The following EPHA1 variants were observed in gnomAD, a reference collection of about 807,000 sequenced individuals.
EPHA1 encodes ephrin type-A receptor 1.
Under a neutral mutation model 110.1 loss-of-function variants are expected in EPHA1, and 92 were observed. The ratio of observed to expected loss-of-function variants is 0.84; its 90% CI spans 0.71 to 0.99. The LOEUF (loss-of-function observed/expected upper bound fraction) is 0.99. Among genes scored for constraint, EPHA1 ranks in the 50% least tolerant of loss-of-function variants. The pLI is 0.00. For missense variants in EPHA1, 1,204 were observed against 1,285.4 expected, an observed-to-expected ratio of 0.94 and a Z score of 0.97; for synonymous variants, 500 against 516.1, an observed-to-expected ratio of 0.97 and a Z score of 0.42.
chr7:143,397,838 G>A, intron 8 of EPHA1, 82 bp downstream of exon 8: 1 of 1,580,574 alleles, frequency 6.3e-7, no homozygotes, highest in South Asian at 1.1e-5. Flanking sequence ...AAGAGGAAAA[G>A]TCACTACGTG....
In EPHA1 at chr7:143,397,172, CAT is replaced by C. The variant is rs1468713666; in HGVS notation, c.1771+130_1771+131del. The C allele has an allele frequency of 1.5e-5, 16 of 1,098,962 alleles. 1 individual carries two copies. The highest frequency in any genetic ancestry group is 3.8e-6 in the Non-Finnish European group (3 of 785,362). 68.1% of individuals were successfully genotyped at this position (1,098,962 alleles called of 1,614,324 possible). Reference sequence around the variant, plus strand: ...AGAGCCCTGGGGACAACAAACCCCACATGTGCCCCCAGAGTTGGCCTAGCAAA... The same window carrying C: ...AGAGCCCTGGGGACAACAAACCCCACGTGCCCCCAGAGTTGGCCTAGCAAA... On this transcript the variant is annotated intron_variant, in intron 10 of 17. Transcript: ENST00000275815.
Position 143,407,630 on chromosome 7 carries a change from A to G in EPHA1, c.131T>C (p.Leu44Pro). The G allele has an allele frequency of 3.1e-6, 5 of 1,613,446 alleles. No individual in the cohort carries two copies. Among genetic ancestry groups the G allele is most frequent in the African/African-American group, 1.3e-5 (1 of 75,006 alleles). ...ACTTACCCCATCTTTTGGGGGATCC[A>G]GCAGCCAGCCCAGCTCTCCCTGTGC... ...SKAQGELGWLLDPPKDGWSEQ... is the reference protein window; with the variant it reads ...SKAQGELGWLPDPPKDGWSEQ... The change falls in exon 2 of 18, where the codon CTG becomes CCG. Residue 44 changes from leucine to proline, a missense_variant. Physicochemically the swap from Leu to Pro is moderately conservative, Grantham distance 98 (BLOSUM62 -3). Coordinates refer to ENST00000275815, the MANE Select transcript of EPHA1 (RefSeq NM_005232.5).
intron 10 of EPHA1, 121 bp from the exon 11 acceptor site, chr7:143,396,631 C>T (rs1563116158): frequency 8.0e-7 from 1 of 1,252,074 alleles, no homozygotes. Context: ...CAAGGTGACT[C>T]CTGTTTGGGC....
At chr7:143,396,290 G>A (rs1805242077) in intron 11 of EPHA1, 95 bp downstream of exon 11, 11 of 1,484,802 alleles carry the variant, frequency 7.4e-6, no homozygotes, top group Non-Finnish European at 9.0e-6. Flanking sequence ...AGCCAGCTGG[G>A]CTGCCCAGGG....
At chr7:143,397,685 T>C (rs764663016) in intron 8 of EPHA1, 28 bp from the exon 9 acceptor site, 14 of 1,612,844 alleles carry the variant, frequency 8.7e-6, no homozygotes, top group Non-Finnish European at 4.2e-6. Flanking sequence ...TGAGGAAGTG[T>C]TGGGACTCAC....
At chr7:143,407,881 A>C (rs1805599300) in intron 1 of EPHA1, 1 of 424,072 alleles carries the variant, frequency 2.4e-6, no homozygotes, top group African/African-American at 2.0e-5. Flanking sequence ...GTGTGTGTGA[A>C]GGAAGGCAGG....
intron 2 of EPHA1, among the ~76,000 whole-genome samples, chr7:143,403,736 T>C (rs1005214396): frequency 6.6e-6 from 1 of 152,250 alleles, no homozygotes; most frequent in Admixed American, 6.5e-5. Flanking sequence ...TTTTGCCTTT[T>C]GCCAATCCTA....
chr7:143,397,852 C>A, intron 8 of EPHA1, 68 bp downstream of exon 8: 1 of 1,589,338 alleles, frequency 6.3e-7, no homozygotes. Context: ...CTACGTGGAA[C>A]AGGAGCTGAG....
chr7:143,400,126 G>C (rs143695404), intron 3 of EPHA1, 73 bp from the exon 4 acceptor site: 1 of 1,489,870 alleles, frequency 6.7e-7, no homozygotes, highest in Non-Finnish European at 9.0e-7. Context: ...AGAAACAATC[G>C]TTTGCTTAAT....
chr7:143,399,254 TCACCTGTGCATGC>T lies in EPHA1; in HGVS notation c.982_991+3del. 6.2e-7 allele frequency: 1 copy of T among 1,611,050 alleles called. No individual in the cohort carries two copies. The highest frequency in any genetic ancestry group is 1.1e-5 in the South Asian group (1 of 90,886). ...GATGGCCACGCCCCACCCCCTGGAC[TCACCTGTGCATGC>T]CACCTGGGGGCCCTCCCCGGGAGCT... On this transcript the variant is annotated splice_donor_variant and splice_donor_region_variant and coding_sequence_variant and intron_variant, in exon 5 of 18. Transcript: ENST00000275815. LOFTEE classifies it high-confidence loss of function.
In EPHA1 at chr7:143,398,588, C is replaced by T. The variant is rs201043495; in HGVS notation, c.1336+13G>A. On this transcript the variant is annotated intron_variant, in intron 6 of 17. Coordinates refer to ENST00000275815, the MANE Select transcript of EPHA1 (RefSeq NM_005232.5). Reference sequence around the variant, plus strand: ...CCACCAGGTCCCTGTCCCAGCCCCTCTCAGCCTCTCACCTGCATGCCCCAT... The same window carrying T: ...CCACCAGGTCCCTGTCCCAGCCCCTTTCAGCCTCTCACCTGCATGCCCCAT... The T allele has an allele frequency of 8.7e-6, 14 of 1,610,880 alleles. No homozygotes were observed. Among genetic ancestry groups the T allele is most frequent in the South Asian group, 1.1e-5 (1 of 90,932 alleles).
chr7:143,400,116 AG>A, intron 3 of EPHA1, 63 bp from the exon 4 acceptor site: 1 of 1,512,790 alleles, frequency 6.6e-7, no homozygotes, highest in East Asian at 2.3e-5. Flanking sequence ...CCCACATAAC[AG>A]AAACAATCGT....
chr7:143,399,452 G>GT (rs769092075), intron 4 of EPHA1, 39 bp from the exon 5 acceptor site: 2 of 1,548,880 alleles, frequency 1.3e-6, no homozygotes, highest in African/African-American at 2.7e-5. Context: ...TTCTGTAAAT[G>GT]TTTTTACAGG....
In EPHA1 at chr7:143,394,363, A is replaced by G; in HGVS notation, c.2353-20T>C. The G allele has an allele frequency of 1.2e-6, 2 of 1,606,776 alleles. No individual in the cohort carries two copies. The highest frequency in any genetic ancestry group is 8.5e-7 in the Non-Finnish European group (1 of 1,175,698). On this transcript the variant is annotated intron_variant, in intron 14 of 17. Transcript: ENST00000275815. ...TCCTCCCTAAGAAGGCACATGGGTC[A>G]GGGACGGAAAGTTATGGTGTCCACC...
Position 143,401,989 on chromosome 7 carries a change from G to A in EPHA1, c.151-384C>T, listed in dbSNP as rs540913254. Among the ~76,000 whole-genome samples, 3 of 152,190 alleles carry A rather than the reference G, an allele frequency of 2.0e-5. No individual in the cohort carries two copies. The highest frequency in any genetic ancestry group is 4.8e-5 in the African/African-American group (2 of 41,510). ...GACAGGGTCTCGTTCTGTCTGCAGC[G>A]CAGTGGTATAATCAAAGCTCACTAT... On this transcript the variant is annotated intron_variant, in intron 2 of 17. Coordinates refer to ENST00000275815, the MANE Select transcript of EPHA1 (RefSeq NM_005232.5). This position sits in a 1 kb window ranked among gnomAD's most constrained non-coding sequence, Gnocchi z 4.1.
intron 2 of EPHA1, among the ~76,000 whole-genome samples, chr7:143,403,658 C>T (rs1805477408): frequency 1.3e-5 from 2 of 152,172 alleles, no homozygotes; most frequent in Admixed American, 6.5e-5. Context: ...TATCAATTTA[C>T]ACTTCCACCA....
chr7:143,391,473 T>A lies in EPHA1; in HGVS notation c.2915A>T (p.Gln972Leu). The A allele has an allele frequency of 6.2e-7, 1 of 1,614,164 alleles. No homozygotes were observed. The highest frequency in any genetic ancestry group is 1.1e-5 in the South Asian group (1 of 91,074). Residue 972 changes from glutamine to leucine, a missense_variant, in exon 18 of 18, where the codon CAG (glutamine) becomes CTG (leucine). By Grantham distance (113) the Gln-to-Leu change is moderately radical. Coordinates refer to ENST00000275815, the MANE Select transcript of EPHA1 (RefSeq NM_005232.5). ...GHQKRILCSI[Q>L]GFKD is the part of the protein sequence containing the mutation. ...GAGGAGGGATCAGTCCTTGAATCCC[T>A]GAATACTGCAAAGAATGCGCTTCTG...
At position 143,408,836 on chromosome 7, in the gene EPHA1, C is replaced by G; in HGVS notation, c.-31G>C. Reference sequence around the variant, plus strand: ...CGGGCCGGGACCTGGGACAGTGGCCCGGATGGCAGCGCCAGGTTGCAAGGG... The same window carrying G: ...CGGGCCGGGACCTGGGACAGTGGCCGGGATGGCAGCGCCAGGTTGCAAGGG... On this transcript the variant is annotated 5_prime_UTR_variant, in exon 1 of 18. Coordinates refer to ENST00000275815, the MANE Select transcript of EPHA1 (RefSeq NM_005232.5). 9.9e-7 allele frequency: 1 copy of G among 1,014,776 alleles called. No homozygotes were observed. The highest frequency in any genetic ancestry group is 1.2e-6 in the Non-Finnish European group (1 of 861,466). The allele number at this position is 1,014,776 out of a possible 1,614,324, so 62.9% of individuals were successfully genotyped here. A position where few individuals can be genotyped will look rare whatever the true frequency, so the allele number is the denominator to read the frequency against.
intron 2 of EPHA1, among the ~76,000 whole-genome samples, chr7:143,403,882 C>A (rs1422891063): frequency 6.6e-6 from 1 of 152,134 alleles, no homozygotes; most frequent in Non-Finnish European, 1.5e-5. Context: ...ATTCTATTAT[C>A]TTTTGATTAC....
Sources: gnomAD v4.1 joint callset for allele counts (sites outside exome capture counted in the v4.1 genomes callset) on GRCh38, gnomAD v4.1.1 for gene constraint, Gnocchi (gnomAD v3.1) non-coding constraint, MANE v1.5 for transcripts, NCBI Gene and HGNC (gene_info 2026-07-23, HGNC 2026-07-21) for gene names.